The following GFOD1 variants were observed in gnomAD, a reference collection of about 807,000 sequenced individuals.
GFOD1 encodes the protein Gfo/Idh/MocA-like oxidoreductase domain containing 1, also known as glucose-fructose oxidoreductase domain-containing protein 1.
A neutral mutation model predicts 25.4 loss-of-function variants in GFOD1; 9 were observed. The observed-to-expected ratio is 0.35, with a 90% CI of 0.21 to 0.62. GFOD1 has a LOEUF of 0.62. Ranked by LOEUF, GFOD1 falls within the 20% of genes least tolerant of loss-of-function variation. The pLI is 0.72. For synonymous variants in GFOD1, 253 were observed against 245.6 expected (o/e 1.03, Z -0.28); for missense variants, 403 against 556.9 (o/e 0.72, Z 2.78).
At chr6:13,485,605 C>T (rs1206981390) in intron 1 of GFOD1, among the ~76,000 whole-genome samples, 1 of 152,226 alleles carries the variant, frequency 6.6e-6, no homozygotes, top group Non-Finnish European at 1.5e-5. Context: ...ATGAACAAAA[C>T]ATGCCCTTCT....
intron 1 of GFOD1, among the ~76,000 whole-genome samples, chr6:13,415,945 G>A (rs1786156057): frequency 6.6e-6 from 1 of 152,210 alleles, no homozygotes; most frequent in Non-Finnish European, 1.5e-5. Context: ...TTAGGGTCTA[G>A]TTGGGGAGTG....
At chr6:13,451,169 C>T (rs1197619021) in intron 1 of GFOD1, among the ~76,000 whole-genome samples, 1 of 152,216 alleles carries the variant, frequency 6.6e-6, no homozygotes, top group East Asian at 1.9e-4. Flanking sequence ...CTGGTTCATT[C>T]CCCTTGGAAT....
At chr6:13,404,000 A>C (rs1562207550) in intron 1 of GFOD1, among the ~76,000 whole-genome samples, 1 of 152,208 alleles carries the variant, frequency 6.6e-6, no homozygotes. Context: ...AAAAGTGGGA[A>C]GTTATAGATG....
At chr6:13,390,854 G>A (rs893707536) in intron 1 of GFOD1, among the ~76,000 whole-genome samples, 2 of 150,368 alleles carry the variant, frequency 1.3e-5, no homozygotes, top group African/African-American at 2.4e-5. Context: ...ACCTCAAAAG[G>A]TTGTTATGAG....
chr6:13,393,012 TGACTG>T (rs567901912), intron 1 of GFOD1, among the ~76,000 whole-genome samples: 26 of 152,094 alleles, frequency 1.7e-4, no homozygotes, highest in Non-Finnish European at 3.5e-4. Flanking sequence ...CAGTGAGCTA[TGACTG>T]TGCCATTGCA....
chr6:13,451,247 A>C (rs1758091974), intron 1 of GFOD1, among the ~76,000 whole-genome samples: 1 of 152,194 alleles, frequency 6.6e-6, no homozygotes, highest in Non-Finnish European at 1.5e-5. Flanking sequence ...CTCTTCCGCC[A>C]GACTCTACTG....
At chr6:13,452,173 C>G (rs1178007571) in intron 1 of GFOD1, among the ~76,000 whole-genome samples, 1 of 152,128 alleles carries the variant, frequency 6.6e-6, no homozygotes, top group Non-Finnish European at 1.5e-5. Flanking sequence ...GAGATCCAAT[C>G]AAATGCAATG....
intron 1 of GFOD1, chr6:13,407,971 C>A (rs1040004675): frequency 1.0e-6 from 1 of 985,358 alleles, no homozygotes; most frequent in African/African-American, 1.7e-5. Context: ...AATATCTCTT[C>A]TTGGGTCAGC....
intron 1 of GFOD1, among the ~76,000 whole-genome samples, chr6:13,435,645 G>A (rs1757821877): frequency 6.6e-6 from 1 of 152,140 alleles, no homozygotes; most frequent in Non-Finnish European, 1.5e-5. Flanking sequence ...CCCACTGCAT[G>A]CCTTCCCCGG....
intron 1 of GFOD1, among the ~76,000 whole-genome samples, chr6:13,420,229 T>G (rs1411109333): frequency 6.6e-6 from 1 of 152,214 alleles, no homozygotes; most frequent in East Asian, 1.9e-4. Flanking sequence ...CACAGATTTG[T>G]TTCCAAATAG....
At chr6:13,432,520 AAC>A (rs879334883) in intron 1 of GFOD1, among the ~76,000 whole-genome samples, 2 of 151,966 alleles carry the variant, frequency 1.3e-5, no homozygotes, top group Non-Finnish European at 2.9e-5. Flanking sequence ...TGGTATTCTA[AAC>A]AGACAAGAAC....
rs1473055097 is a variant in GFOD1, at chr6:13,487,372, AC to A, written c.-483del. The stretch of plus-strand genomic sequence containing the variant: ...CGTCTACACCCTGCCAGAGCACGGA[AC>A]CGCTCCGCGGGGGAGTCTCCTTTCT... On this transcript the variant is annotated 5_prime_UTR_variant, in exon 1 of 2. Coordinates refer to ENST00000379287, the MANE Select transcript of GFOD1 (RefSeq NM_018988.4). The surrounding 1 kb of genome is among the most constrained non-coding windows in gnomAD (Gnocchi z 4.9). 5.2e-5 allele frequency: 8 copies of A among 154,654 alleles called. No homozygotes were observed. The Admixed American group carries it at 5.2e-4, about 10-fold the overall frequency. The allele number at this position is 154,654 out of a possible 1,614,324, so 9.6% of individuals were successfully genotyped here.
intron 1 of GFOD1, among the ~76,000 whole-genome samples, chr6:13,442,441 C>T (rs1028431340): frequency 6.6e-6 from 1 of 152,128 alleles, no homozygotes; most frequent in African/African-American, 2.4e-5. Context: ...TATTATGAAA[C>T]ATAGTGATCT....
rs369629715 is a variant in GFOD1, at chr6:13,419,006, T to C, written c.254-53344A>G. 6.4e-4 allele frequency among the ~76,000 whole-genome samples: 97 copies of C among 152,334 alleles called. 1 individual carries two copies. The South Asian group carries it at 0.019, about 29-fold the overall frequency. On this transcript the variant is annotated intron_variant, in intron 1 of 1. Coordinates refer to ENST00000379287, the MANE Select transcript of GFOD1 (RefSeq NM_018988.4). ...CGGTCGGTGTTTCCTGGTCAGATCA[T>C]GGAGTTTGGGAGCCCCAGCAGGTGG...
intron 1 of GFOD1, among the ~76,000 whole-genome samples, chr6:13,397,279 A>C (rs181016310): frequency 6.6e-6 from 1 of 152,364 alleles, no homozygotes; most frequent in Non-Finnish European, 1.5e-5. Context: ...CTTACTCTAA[A>C]GCCCGGCAAT....
At chr6:13,383,945 G>A (rs1366870691) in intron 1 of GFOD1, among the ~76,000 whole-genome samples, 1 of 152,156 alleles carries the variant, frequency 6.6e-6, no homozygotes, top group Non-Finnish European at 1.5e-5. Flanking sequence ...AAACATATTG[G>A]TACTGCGCAG....
chr6:13,366,326 G>C (rs1330826214), intron 1 of GFOD1, among the ~76,000 whole-genome samples: 1 of 151,896 alleles, frequency 6.6e-6, no homozygotes. Flanking sequence ...GACAGTAGGT[G>C]CCACCACACC....
chr6:13,471,105 C>G (rs1272979358), intron 1 of GFOD1, among the ~76,000 whole-genome samples: 1 of 152,132 alleles, frequency 6.6e-6, no homozygotes, highest in Non-Finnish European at 1.5e-5. Flanking sequence ...AACCCCATTG[C>G]CCATGGAACT....
intron 1 of GFOD1, among the ~76,000 whole-genome samples, chr6:13,461,052 A>T (rs896907897): frequency 6.6e-6 from 1 of 152,190 alleles, no homozygotes; most frequent in African/African-American, 2.4e-5. Flanking sequence ...GCTATCAATT[A>T]TCTGGCCTGT....
Sources: allele counts gnomAD v4.1 joint callset (sites outside exome capture counted in the v4.1 genomes callset), GRCh38; gene constraint gnomAD v4.1.1; non-coding constraint Gnocchi (gnomAD v3.1); transcripts MANE v1.5; gene names NCBI Gene and HGNC (gene_info 2026-07-23, HGNC 2026-07-21).